COPG2: variants seen among roughly 807,000 people sequenced by gnomAD.
COPG2 encodes the protein coat protein complex I subunit gamma 2, also known as coatomer subunit gamma-2.
In COPG2, 37 loss-of-function variants were observed where a neutral mutation model predicts 46.3. That is an observed-to-expected ratio of 0.80 (90% confidence interval 0.61 to 1.05). The LOEUF (loss-of-function observed/expected upper bound fraction) is 1.05. COPG2 is among the 50% of genes least tolerant of loss of function. The pLI, the probability that COPG2 is intolerant of heterozygous loss-of-function variation, is 0.00. For missense variants in COPG2, 427 were observed against 387.8 expected (o/e 1.10, Z -0.85); for synonymous variants, 159 against 129.7 (o/e 1.23, Z -1.53).
intron 9 of COPG2, among the ~76,000 whole-genome samples, chr7:130,575,961 A>C: frequency 6.6e-6 from 1 of 152,248 alleles, no homozygotes; most frequent in African/African-American, 2.4e-5. Flanking sequence ...ACAGCAGTTA[A>C]AAGAGACAAA....
chr7:130,523,066 C>T (rs896220915), intron 20 of COPG2, among the ~76,000 whole-genome samples: 11 of 146,792 alleles, frequency 7.5e-5, no homozygotes, highest in Admixed American at 2.1e-4. Context: ...TGCAGTGAGC[C>T]GAGATCGCAC....
intron 20 of COPG2, among the ~76,000 whole-genome samples, chr7:130,533,277 G>A (rs1262906156): frequency 1.3e-5 from 2 of 151,154 alleles, no homozygotes; most frequent in African/African-American, 4.9e-5. Context: ...GAAAGAGACA[G>A]CCTGAAGCTC....
chr7:130,591,204 G>A (rs1486082798), intron 9 of COPG2, among the ~76,000 whole-genome samples: 21 of 137,960 alleles, frequency 1.5e-4, no homozygotes, highest in African/African-American at 5.2e-4. Context: ...GCCTCTGCCC[G>A]GCCGCCCCTA....
intron 20 of COPG2, among the ~76,000 whole-genome samples, chr7:130,539,860 A>C (rs1176008394): frequency 8.5e-5 from 13 of 152,300 alleles, no homozygotes; most frequent in East Asian, 3.9e-4. Flanking sequence ...GAGTAGGAAC[A>C]AAGGAATGTG....
intron 12 of COPG2, among the ~76,000 whole-genome samples, chr7:130,556,187 C>T (rs1478782727): frequency 2.0e-5 from 3 of 152,190 alleles, no homozygotes; most frequent in Non-Finnish European, 2.9e-5. Context: ...TCCTTTTTTC[C>T]GAAGGAAAAC....
chr7:130,608,681 T>C (rs182591899), intron 9 of COPG2, among the ~76,000 whole-genome samples: 270 of 152,316 alleles, frequency 1.8e-3, no homozygotes, highest in African/African-American at 6.1e-3. Flanking sequence ...CTTATTTTTG[T>C]TTCCCTGAAT....
intron 6 of COPG2, among the ~76,000 whole-genome samples, chr7:130,616,138 A>G (rs1191280262): frequency 6.6e-6 from 1 of 152,180 alleles, no homozygotes; most frequent in Non-Finnish European, 1.5e-5. Context: ...TTCATTTAGT[A>G]TTTTAACAAT....
At chr7:130,611,142 G>C in intron 8 of COPG2, 32 bp from the exon 9 acceptor site, 2 of 1,570,066 alleles carry the variant, frequency 1.3e-6, no homozygotes, top group Non-Finnish European at 1.7e-6. Context: ...GTAGCACATG[G>C]ATTAGAAAGA....
chr7:130,607,842 A>C, intron 9 of COPG2: 1 of 517,660 alleles, frequency 1.9e-6, no homozygotes, highest in South Asian at 1.4e-5. Context: ...AGAATAGCAA[A>C]AAAACCCCAC....
intron 5 of COPG2, among the ~76,000 whole-genome samples, chr7:130,632,239 T>A (rs1464274205): frequency 6.6e-6 from 1 of 152,256 alleles, no homozygotes; most frequent in Non-Finnish European, 1.5e-5. Context: ...GATATGGTAT[T>A]CTGAGTCATC....
At chr7:130,605,696 A>T (rs1794715071) in intron 9 of COPG2, 2 of 517,938 alleles carry the variant, frequency 3.9e-6, no homozygotes, top group Admixed American at 3.9e-5. Flanking sequence ...GTCTCAAGGA[A>T]ATGAATTTGG....
At chr7:130,668,446 C>T (rs1193787100) in intron 1 of COPG2, among the ~76,000 whole-genome samples, 186 bp downstream of exon 1, 1 of 149,066 alleles carries the variant, frequency 6.7e-6, no homozygotes, top group African/African-American at 2.4e-5. Context: ...GGCTCCGGCG[C>T]CCGGGGGAGG....
intron 20 of COPG2, among the ~76,000 whole-genome samples, chr7:130,541,069 G>A (rs1799931108): frequency 6.6e-6 from 1 of 152,186 alleles, no homozygotes; most frequent in Non-Finnish European, 1.5e-5. Context: ...TGGAGTGTGA[G>A]GGGAAGACGC....
At chr7:130,535,101 G>A (rs1289968439) in intron 20 of COPG2, among the ~76,000 whole-genome samples, 1 of 152,158 alleles carries the variant, frequency 6.6e-6, no homozygotes, top group Non-Finnish European at 1.5e-5. Flanking sequence ...GCGGTGAGGA[G>A]AGCAGGTCAA....
intron 17 of COPG2, 108 bp downstream of exon 17, chr7:130,550,411 CAAAAA>C: frequency 2.8e-4 from 28 of 101,084 alleles, no homozygotes; most frequent in East Asian, 8.4e-4. Context: ...GACTCTATCT[CAAAAA>C]AAAAAAAAAA....
chr7:130,600,038 A>C (rs137856885), intron 9 of COPG2, among the ~76,000 whole-genome samples: 21,931 of 152,146 alleles, frequency 0.14, 2,875 homozygotes, highest in African/African-American at 0.35. Flanking sequence ...TAACATACAA[A>C]TCAGTTACAG....
chr7:130,590,711 C>T (rs1214955580), intron 9 of COPG2, among the ~76,000 whole-genome samples: 2 of 151,896 alleles, frequency 1.3e-5, no homozygotes, highest in Non-Finnish European at 2.9e-5. Flanking sequence ...CTCTGCCTGG[C>T]CGCCCATCGT....
chr7:130,526,296 G>C (rs958359429), intron 20 of COPG2, among the ~76,000 whole-genome samples: 1 of 152,166 alleles, frequency 6.6e-6, no homozygotes, highest in South Asian at 2.1e-4. Flanking sequence ...GCGGTGAGGA[G>C]AGCAGGTCAA....
At chr7:130,566,821 A>G (rs1194492496) in intron 9 of COPG2, among the ~76,000 whole-genome samples, 2 of 152,176 alleles carry the variant, frequency 1.3e-5, no homozygotes, top group Non-Finnish European at 2.9e-5. Context: ...GTCGGGCAGG[A>G]TGTTTCTCAC....
Sources: gnomAD v4.1 joint callset for allele counts (sites outside exome capture counted in the v4.1 genomes callset) on GRCh38, gnomAD v4.1.1 for gene constraint, MANE v1.5 for transcripts, NCBI Gene and HGNC (gene_info 2026-07-23, HGNC 2026-07-21) for gene names.